SEPTIN9: variants seen among roughly 807,000 people sequenced by gnomAD.
SEPTIN9 encodes the protein septin 9.
Under a neutral mutation model 56.6 loss-of-function variants are expected in SEPTIN9, and 13 were observed. The observed-to-expected ratio is 0.23, with a 90% CI of 0.15 to 0.37. The LOEUF is 0.37. SEPTIN9 is among the 10% of genes least tolerant of loss of function. The pLI, the probability that SEPTIN9 is intolerant of heterozygous loss-of-function variation, is 1.00. For missense variants in SEPTIN9, 650 were observed against 823.1 expected (o/e 0.79, Z 2.57); for synonymous variants, 332 against 334.1 (o/e 0.99, Z 0.07).
intron 3 of SEPTIN9, among the ~76,000 whole-genome samples, chr17:77,481,354 C>A (rs1418858663): frequency 6.6e-6 from 1 of 152,216 alleles, no homozygotes; most frequent in Admixed American, 6.5e-5. Flanking sequence ...GCCAGGCACA[C>A]AAGACGGCCG....
chr17:77,370,922 A>G (rs1014379005), intron 2 of SEPTIN9, among the ~76,000 whole-genome samples: 2 of 152,240 alleles, frequency 1.3e-5, no homozygotes, highest in African/African-American at 4.8e-5. Context: ...TTAGGCTGAG[A>G]AAGAGGAGGC....
Position 77,497,306 on chromosome 17 carries a change from C to T in SEPTIN9, c.1574-9C>T, listed in dbSNP as rs376666044. 1 of 1,613,398 alleles carries T rather than the reference C, an allele frequency of 6.2e-7. No homozygotes were observed. Among genetic ancestry groups the T allele is most frequent in the African/African-American group, 1.3e-5 (1 of 75,046 alleles). On this transcript the variant is annotated splice_polypyrimidine_tract_variant and intron_variant, in intron 10 of 11. Transcript: ENST00000427177. ...GGGACATTAAAGCCCCTCCTGTCTC[C>T]TCTCCTAGTTGAAAACACCACACAC...
rs1476222116 is a variant in SEPTIN9, at chr17:77,450,050, TC to T, written c.722-32089del. ...GGGCATGCAGTCTTCTCCCAGACACTCCCCCGGCTCTGGCCTGGCGCCCGGA... is the reference window on the plus strand; with the variant it reads ...GGGCATGCAGTCTTCTCCCAGACACTCCCCGGCTCTGGCCTGGCGCCCGGA... On this transcript the variant is annotated intron_variant, in intron 3 of 11. Coordinates refer to ENST00000427177, the MANE Select transcript of SEPTIN9 (RefSeq NM_001113491.2). This position sits in a 1 kb window ranked among gnomAD's most constrained non-coding sequence, Gnocchi z 6.0. 2.6e-5 allele frequency among the ~76,000 whole-genome samples: 4 copies of T among 151,956 alleles called. No individual in the cohort carries two copies. Among genetic ancestry groups the T allele is most frequent in the Non-Finnish European group, 5.9e-5 (4 of 67,986 alleles).
chr17:77,292,105 A>G (rs888449838), intron 1 of SEPTIN9, among the ~76,000 whole-genome samples: 1 of 152,126 alleles, frequency 6.6e-6, no homozygotes, highest in Admixed American at 6.5e-5. Context: ...CGGCCCCTCA[A>G]GACGCATCTG....
At chr17:77,335,514 A>T (rs62079555) in intron 2 of SEPTIN9, among the ~76,000 whole-genome samples, 2 of 137,202 alleles carry the variant, frequency 1.5e-5, no homozygotes, top group African/African-American at 5.5e-5. Flanking sequence ...CTGTATATGT[A>T]GTCCTATATT....
At chr17:77,486,079 G>A (rs919878497) in intron 4 of SEPTIN9, among the ~76,000 whole-genome samples, 1 of 152,106 alleles carries the variant, frequency 6.6e-6, no homozygotes, top group African/African-American at 2.4e-5. Flanking sequence ...GCCTCCCAAA[G>A]TGCTGGGATT....
chr17:77,361,608 T>A (rs1187027162), intron 2 of SEPTIN9, among the ~76,000 whole-genome samples: 3 of 152,058 alleles, frequency 2.0e-5, no homozygotes, highest in Non-Finnish European at 4.4e-5. Flanking sequence ...TTATTCATAA[T>A]CGAGTGGTCA....
intron 2 of SEPTIN9, among the ~76,000 whole-genome samples, chr17:77,392,270 A>G (rs998036984): frequency 6.6e-6 from 1 of 152,204 alleles, no homozygotes; most frequent in African/African-American, 2.4e-5. Flanking sequence ...TGCCAGAGGC[A>G]GAGAGAAAGA....
chr17:77,316,814 C>A (rs2032729130), intron 2 of SEPTIN9, among the ~76,000 whole-genome samples: 1 of 151,902 alleles, frequency 6.6e-6, no homozygotes. Flanking sequence ...TCAAGCAATC[C>A]TTCCGCCGCA....
chr17:77,349,634 C>T (rs1220025304), intron 2 of SEPTIN9, among the ~76,000 whole-genome samples: 1 of 152,168 alleles, frequency 6.6e-6, no homozygotes, highest in Non-Finnish European at 1.5e-5. Context: ...CAGTACCTAC[C>T]TCTGGGCAAA....
intron 3 of SEPTIN9, among the ~76,000 whole-genome samples, chr17:77,426,057 C>T (rs904760039): frequency 3.9e-5 from 6 of 152,248 alleles, no homozygotes; most frequent in East Asian, 1.9e-4. Context: ...GCCTCCACAC[C>T]TCCCAGCACC....
chr17:77,413,314 C>G (rs771414429), intron 3 of SEPTIN9, among the ~76,000 whole-genome samples: 9 of 152,192 alleles, frequency 5.9e-5, no homozygotes, highest in Non-Finnish European at 1.3e-4. Context: ...ACTTTAAAAA[C>G]TTAAACTTTT....
intron 3 of SEPTIN9, among the ~76,000 whole-genome samples, chr17:77,439,210 G>C (rs1448649623): frequency 6.6e-6 from 1 of 152,174 alleles, no homozygotes; most frequent in East Asian, 1.9e-4. Flanking sequence ...TCCCTGGTTG[G>C]GGAGGAGGGT....
intron 7 of SEPTIN9, 22 bp downstream of exon 7, chr17:77,488,886 G>A (rs758067936): frequency 1.6e-5 from 25 of 1,612,048 alleles, no homozygotes; most frequent in Middle Eastern, 1.7e-4. Context: ...CAGTGTCGGC[G>A]TCCTCATGCC....
chr17:77,371,528 G>A lies in SEPTIN9; in HGVS notation c.77-30531G>A, dbSNP rs192694743. Among the ~76,000 whole-genome samples the A allele has an allele frequency of 4.1e-4, 63 of 152,298 alleles. No individual in the cohort carries two copies. Among genetic ancestry groups the A allele is most frequent in the South Asian group, 8.3e-4 (4 of 4,824 alleles). On this transcript the variant is annotated intron_variant, in intron 2 of 11. Transcript: ENST00000427177. This position sits in a 1 kb window ranked among gnomAD's most constrained non-coding sequence, Gnocchi z 4.1. ...TTAGGATGGCTGTTGTGCCGGACCC[G>A]GCATCTTCCCAGGGGGGCTGTGTTG...
chr17:77,415,351 A>T (rs1234989504), intron 3 of SEPTIN9, among the ~76,000 whole-genome samples: 1 of 152,112 alleles, frequency 6.6e-6, no homozygotes, highest in African/African-American at 2.4e-5. Context: ...TCACACCTGT[A>T]ATCCCAGCAC....
chr17:77,411,402 T>TC (rs1487923641), intron 3 of SEPTIN9, among the ~76,000 whole-genome samples: 1 of 151,516 alleles, frequency 6.6e-6, no homozygotes, highest in Non-Finnish European at 1.5e-5. Flanking sequence ...TTTTTCTTTT[T>TC]TTTTTTTTTT....
chr17:77,298,805 A>ATTTTG (rs1438688350), intron 1 of SEPTIN9, among the ~76,000 whole-genome samples: 1 of 152,080 alleles, frequency 6.6e-6, no homozygotes, highest in Non-Finnish European at 1.5e-5. Flanking sequence ...TGACTTTATT[A>ATTTTG]TTTTGTTTTG....
At chr17:77,392,640 G>A (rs962769924) in intron 2 of SEPTIN9, among the ~76,000 whole-genome samples, 1 of 152,160 alleles carries the variant, frequency 6.6e-6, no homozygotes, top group Admixed American at 6.5e-5. Context: ...GGAAGGCAGA[G>A]GGGGAGGGGA....
Sources: allele counts gnomAD v4.1 joint callset (sites outside exome capture counted in the v4.1 genomes callset), GRCh38; gene constraint gnomAD v4.1.1; non-coding constraint Gnocchi (gnomAD v3.1); transcripts MANE v1.5; gene names NCBI Gene and HGNC (gene_info 2026-07-23, HGNC 2026-07-21).